The following TACR3 variants were observed in gnomAD, a reference collection of about 807,000 sequenced individuals.
TACR3 encodes tachykinin receptor 3.
A neutral mutation model predicts 35.0 loss-of-function variants in TACR3; 34 were observed. The ratio of observed to expected loss-of-function variants is 0.97; its 90% CI spans 0.74 to 1.30. The LOEUF is 1.30. TACR3 is among the 50% of genes most tolerant of loss of function. The pLI, the probability that TACR3 is intolerant of heterozygous loss-of-function variation, is 0.00. For missense variants in TACR3, 558 were observed against 591.7 expected, an observed-to-expected ratio of 0.94 and a Z score of 0.59; for synonymous variants, 233 against 221.1, an observed-to-expected ratio of 1.05 and a Z score of -0.48.
At chr4:103,637,698 C>T (rs1378992968) in intron 3 of TACR3, among the ~76,000 whole-genome samples, 1 of 152,180 alleles carries the variant, frequency 6.6e-6, no homozygotes, top group Non-Finnish European at 1.5e-5. Flanking sequence ...ACCCCATTGT[C>T]TCAGCCCAAA....
At chr4:103,674,316 T>G (rs968936037) in intron 1 of TACR3, among the ~76,000 whole-genome samples, 2 of 139,606 alleles carry the variant, frequency 1.4e-5, no homozygotes, top group Non-Finnish European at 3.1e-5. Context: ...TGTTTTTCTG[T>G]TTTTTTTTTT....
At chr4:103,701,149 C>T (rs539229416) in intron 1 of TACR3, among the ~76,000 whole-genome samples, 1 of 151,964 alleles carries the variant, frequency 6.6e-6, no homozygotes, top group African/African-American at 2.4e-5. Flanking sequence ...TCTAGAAAAC[C>T]CCATTGTCTC....
chr4:103,589,889 T>A lies in TACR3; in HGVS notation c.1191A>T (p.Gln397His). Residue 397 changes from glutamine (Q) to histidine (H), a missense_variant, in exon 5 of 5, where the codon CAA (glutamine) becomes CAT (histidine). Transcript: ENST00000304883. ...TTCTGGTCACGGTGTACATACTGCTTTGCCGGTTTGGATGAAACCTGGTGG... is the reference window on the plus strand; with the variant it reads ...TTCTGGTCACGGTGTACATACTGCTATGCCGGTTTGGATGAAACCTGGTGG... The part of the protein sequence containing the change: ...LKTTRFHPNR[Q>H]SSMYTVTRME... The A allele has an allele frequency of 6.2e-7, 1 of 1,613,990 alleles. No homozygotes were observed. Among genetic ancestry groups the A allele is most frequent in the Admixed American group, 1.7e-5 (1 of 60,002 alleles).
intron 1 of TACR3, among the ~76,000 whole-genome samples, chr4:103,658,845 T>C (rs1391038927): frequency 1.3e-5 from 2 of 152,128 alleles, no homozygotes; most frequent in Non-Finnish European, 2.9e-5. Context: ...GCACACTTTA[T>C]TTCTGTTGTG....
At chr4:103,639,485 A>C (rs1257282560) in intron 3 of TACR3, among the ~76,000 whole-genome samples, 1 of 152,100 alleles carries the variant, frequency 6.6e-6, no homozygotes, top group Non-Finnish European at 1.5e-5. Context: ...AGATATACCT[A>C]GTGCTAAATG....
chr4:103,628,735 A>G (rs1157289116), intron 3 of TACR3, among the ~76,000 whole-genome samples: 1 of 152,244 alleles, frequency 6.6e-6, no homozygotes, highest in African/African-American at 2.4e-5. Context: ...AGGAGCTGGT[A>G]CCATTCCTTG....
chr4:103,596,121 G>A (rs889144387), intron 3 of TACR3, among the ~76,000 whole-genome samples: 20 of 147,978 alleles, frequency 1.4e-4, no homozygotes, highest in Admixed American at 3.4e-4. Context: ...TGGTGTATAT[G>A]TGTCACGTTT....
intron 1 of TACR3, among the ~76,000 whole-genome samples, chr4:103,715,497 T>C (rs959674045): frequency 1.3e-5 from 2 of 152,018 alleles, no homozygotes; most frequent in Non-Finnish European, 2.9e-5. Flanking sequence ...TGGGGAACCA[T>C]GGGCCAGTTA....
At chr4:103,680,492 CAT>C (rs375986687) in intron 1 of TACR3, among the ~76,000 whole-genome samples, 4,784 of 110,624 alleles carry the variant, frequency 0.043, 86 homozygotes, top group Non-Finnish European at 0.049. Flanking sequence ...TATATACATA[CAT>C]ACACACACAC....
chr4:103,591,113 C>T (rs941603373), intron 4 of TACR3: 1 of 267,048 alleles, frequency 3.7e-6, no homozygotes, highest in Admixed American at 5.0e-5. Flanking sequence ...AGAAATTATT[C>T]AAGAATTTCT....
Position 103,591,655 on chromosome 4 carries a change from A to G in TACR3, c.917T>C (p.Met306Thr), listed in dbSNP as rs886058975. 7 of 1,613,340 alleles carry G rather than the reference A, an allele frequency of 4.3e-6. No individual in the cohort carries two copies. The highest frequency in any genetic ancestry group is 5.9e-6 in the Non-Finnish European group (7 of 1,179,650). The stretch of plus-strand genomic sequence containing the variant: ...GGGCAGCCAGCAGATAGCAAATGTC[A>G]TGACAACAATAATCATCATTTTGAC... ...KVVKMMIIVV[M>T]TFAICWLPYH... The change falls in exon 4 of 5, where the codon ATG becomes ACG. Residue 306 changes from methionine (M) to threonine (T), a missense_variant. Met to Thr is a moderately conservative substitution (Grantham distance 81, BLOSUM62 -1). Transcript: ENST00000304883.
chr4:103,704,067 G>T (rs1722727337), intron 1 of TACR3, among the ~76,000 whole-genome samples: 1 of 116,676 alleles, frequency 8.6e-6, no homozygotes, highest in African/African-American at 3.3e-5. Flanking sequence ...TTGCGCCCCT[G>T]CATTCCAGTC....
At chr4:103,702,096 C>T (rs1413152061) in intron 1 of TACR3, among the ~76,000 whole-genome samples, 1 of 152,100 alleles carries the variant, frequency 6.6e-6, no homozygotes, top group African/African-American at 2.4e-5. Flanking sequence ...AAGAAACTAC[C>T]ATCAGAGTGA....
intron 1 of TACR3, among the ~76,000 whole-genome samples, chr4:103,709,044 A>G (rs1722873218): frequency 6.6e-6 from 1 of 152,230 alleles, no homozygotes; most frequent in African/African-American, 2.4e-5. Flanking sequence ...TGTACCTGCA[A>G]GTGACGGGGA....
At chr4:103,698,536 C>CTTTCTTTT (rs147020430) in intron 1 of TACR3, among the ~76,000 whole-genome samples, 2 of 148,336 alleles carry the variant, frequency 1.3e-5, no homozygotes, top group African/African-American at 4.9e-5. Flanking sequence ...AGGATATTTT[C>CTTTCTTTT]TTTTCTTTTT....
At chr4:103,664,980 T>C (rs1224162994) in intron 1 of TACR3, among the ~76,000 whole-genome samples, 4 of 151,844 alleles carry the variant, frequency 2.6e-5, no homozygotes, top group Non-Finnish European at 4.4e-5. Flanking sequence ...TTTTTTTTTT[T>C]TCCTGTATTT....
At chr4:103,615,426 AGAGAGG>A (rs1724630837) in intron 3 of TACR3, among the ~76,000 whole-genome samples, 1 of 136,668 alleles carries the variant, frequency 7.3e-6, no homozygotes, top group Non-Finnish European at 1.6e-5. Context: ...AGAGAGAGAG[AGAGAGG>A]GAAATGGGTT....
intron 3 of TACR3, among the ~76,000 whole-genome samples, chr4:103,637,716 T>C (rs1230255118): frequency 3.3e-5 from 5 of 152,136 alleles, no homozygotes; most frequent in Non-Finnish European, 7.4e-5. Flanking sequence ...AAAATCTCCT[T>C]AAGCTGATAA....
chr4:103,657,577 G>A (rs186904721), intron 2 of TACR3, among the ~76,000 whole-genome samples: 2 of 151,848 alleles, frequency 1.3e-5, no homozygotes, highest in Admixed American at 1.3e-4. Context: ...AGAAAAATAA[G>A]TACATTATTA....
Sources: allele counts gnomAD v4.1 joint callset (sites outside exome capture counted in the v4.1 genomes callset), GRCh38; gene constraint gnomAD v4.1.1; transcripts MANE v1.5; gene names NCBI Gene and HGNC (gene_info 2026-07-23, HGNC 2026-07-21).